Variants in TRIM24 observed in about 807,000 individuals in gnomAD.
The protein encoded by TRIM24 is transcription intermediary factor 1-alpha.
A neutral mutation model predicts 123.9 loss-of-function variants in TRIM24; 29 were observed. The ratio of observed to expected loss-of-function variants is 0.23; its 90% confidence interval spans 0.17 to 0.32. TRIM24 has a LOEUF of 0.32. Among genes scored for constraint, TRIM24 ranks in the 10% least tolerant of loss-of-function variants. TRIM24 has a pLI of 1.00. For synonymous variants in TRIM24, 456 were observed against 461.1 expected, an observed-to-expected ratio of 0.99 and a Z score of 0.14; for missense variants, 932 against 1,295.3, an observed-to-expected ratio of 0.72 and a Z score of 4.31.
At chr7:138,559,559 G>T (rs1298591788) in intron 9 of TRIM24, among the ~76,000 whole-genome samples, 1 of 152,126 alleles carries the variant, frequency 6.6e-6, no homozygotes, top group Non-Finnish European at 1.5e-5. Context: ...TCAGCTTCTG[G>T]GGTGACTAGA....
chr7:138,564,394 C>T (rs143370122), intron 9 of TRIM24, among the ~76,000 whole-genome samples: 141 of 152,276 alleles, frequency 9.3e-4, no homozygotes, highest in Non-Finnish European at 1.7e-3. Context: ...CCTTGGGGGC[C>T]GTTGGCCTCA....
At chr7:138,512,726 G>T (rs1210212413) in intron 2 of TRIM24, among the ~76,000 whole-genome samples, 4 of 152,082 alleles carry the variant, frequency 2.6e-5, no homozygotes, top group African/African-American at 9.7e-5. Flanking sequence ...AAACCATTCA[G>T]TCCTTCTAGG....
intron 7 of TRIM24, among the ~76,000 whole-genome samples, chr7:138,550,318 G>GGTGTGTGTGT (rs10548154): frequency 8.3e-4 from 123 of 147,572 alleles, no homozygotes; most frequent in South Asian, 5.6e-3. Flanking sequence ...AGGAGTTGAT[G>GGTGTGTGTGT]GTGTGTGTGT....
In TRIM24 at chr7:138,554,104, AG is replaced by A. The variant is rs1797266679; in HGVS notation, c.1262-593del. On this transcript the variant is annotated intron_variant, in intron 8 of 18. Transcript: ENST00000343526. This position sits in a 1 kb window ranked among gnomAD's most constrained non-coding sequence, Gnocchi z 4.5. Reference sequence around the variant, plus strand: ...ATTCCACAGGCTGAGCTGGGGGTTCAGATATTCTTCATTGATAAAGAATGAT... The same window carrying A: ...ATTCCACAGGCTGAGCTGGGGGTTCAATATTCTTCATTGATAAAGAATGAT... 6.6e-6 allele frequency among the ~76,000 whole-genome samples: 1 copy of A among 152,196 alleles called. No homozygotes were observed. The highest frequency in any genetic ancestry group is 6.6e-5 in the Admixed American group (1 of 15,264).
chr7:138,466,463 CTTTT>C (rs577317171), intron 1 of TRIM24, among the ~76,000 whole-genome samples: 5 of 74,058 alleles, frequency 6.8e-5, no homozygotes, highest in South Asian at 4.7e-4. Context: ...ACTTAAGTTG[CTTTT>C]TTTTTTTTTT....
chr7:138,531,765 T>C (rs1380981226), intron 6 of TRIM24, among the ~76,000 whole-genome samples: 1 of 152,268 alleles, frequency 6.6e-6, no homozygotes, highest in Non-Finnish European at 1.5e-5. Flanking sequence ...ATGGTATTTC[T>C]AGTTCTAGAT....
rs543491184 is a variant in TRIM24, at chr7:138,478,389, C to T, written c.364+17477C>T. On this transcript the variant is annotated intron_variant, in intron 1 of 18. Coordinates refer to ENST00000343526, the MANE Select transcript of TRIM24 (RefSeq NM_015905.3). ...GGGCACAGTGGTTCATGCCTGTAAT[C>T]CCAGCACTCTGGAAGGCTGAGGCAG... is the stretch of plus-strand genomic sequence containing the variant. Among the ~76,000 whole-genome samples, 28 of 138,920 alleles carry T rather than the reference C, an allele frequency of 2.0e-4. No homozygotes were observed. In the Middle Eastern group the frequency reaches 0.01, roughly 52 times the overall value. The allele number at this position is 138,920 out of a possible 152,430, so 91.1% of individuals were successfully genotyped here.
At chr7:138,532,041 T>C (rs867913499) in intron 6 of TRIM24, among the ~76,000 whole-genome samples, 3,109 of 151,952 alleles carry the variant, frequency 0.02, 89 homozygotes, top group African/African-American at 0.069. Flanking sequence ...TCATATCCTT[T>C]GCCCACTTTT....
chr7:138,561,685 C>T (rs1797431264), intron 9 of TRIM24, among the ~76,000 whole-genome samples: 1 of 152,284 alleles, frequency 6.6e-6, no homozygotes, highest in South Asian at 2.1e-4. Flanking sequence ...ATGCCATGAT[C>T]CTATGACCTG....
At chr7:138,563,009 G>A (rs74783242) in intron 9 of TRIM24, among the ~76,000 whole-genome samples, 3,326 of 152,260 alleles carry the variant, frequency 0.022, 104 homozygotes, top group African/African-American at 0.073. Flanking sequence ...GGCCAACAAA[G>A]TGGCCTCTTC....
rs80032046 is a variant in TRIM24, at chr7:138,575,673, G to A, written c.2015-700G>A. On this transcript the variant is annotated intron_variant, in intron 12 of 18. Coordinates refer to ENST00000343526, the MANE Select transcript of TRIM24 (RefSeq NM_015905.3). ...TTGTATTCCTACTTGTTACTGTTTA[G>A]TTTGGGCCTTCATCAGTTCAAATCA... Among the ~76,000 whole-genome samples the A allele has an allele frequency of 5.7e-3, 869 of 151,824 alleles. 30 individuals are homozygous for A. The highest frequency in any genetic ancestry group is 0.047 in the Admixed American group (721 of 15,254).
intron 1 of TRIM24, among the ~76,000 whole-genome samples, chr7:138,480,244 G>A (rs943624347): frequency 2.6e-5 from 4 of 152,176 alleles, no homozygotes; most frequent in Admixed American, 6.5e-5. Flanking sequence ...GAATACAGGC[G>A]TGAGGCACTG....
At chr7:138,573,054 C>T (rs1797689289) in intron 11 of TRIM24, among the ~76,000 whole-genome samples, 1 of 152,166 alleles carries the variant, frequency 6.6e-6, no homozygotes, top group Non-Finnish European at 1.5e-5. Flanking sequence ...TAGGTCCTAT[C>T]TATCTGTGTG....
chr7:138,576,439 G>A lies in TRIM24; in HGVS notation c.2081G>A (p.Arg694Gln), dbSNP rs773757038. ...CCTAGTGCCTCCAGCGTTGGAAGCC[G>A]AGGAAGGTAAACTGACTAAACCATA... The part of the protein sequence containing the change: ...RSPSASSVGS[R>Q]GSSGSSSKPA... The change falls in exon 13 of 19, where the codon CGA becomes CAA. Residue 694 changes from arginine (R) to glutamine (Q), a missense_variant. Around this residue, in one of 7 missense-constraint regions of TRIM24, gnomAD observed 527 missense variants for 691.3 expected, o/e 0.76. Coordinates refer to ENST00000343526, the MANE Select transcript of TRIM24 (RefSeq NM_015905.3). 6 of 1,613,454 alleles carry A rather than the reference G, an allele frequency of 3.7e-6. No homozygotes were observed. The highest frequency in any genetic ancestry group is 5.1e-6 in the Non-Finnish European group (6 of 1,179,616).
chr7:138,496,892 G>A (rs1345992384), intron 1 of TRIM24, among the ~76,000 whole-genome samples: 1 of 152,078 alleles, frequency 6.6e-6, no homozygotes, highest in Non-Finnish European at 1.5e-5. Flanking sequence ...TTATTTGAAC[G>A]CTCAACCAGC....
chr7:138,484,098 T>C (rs1795592632), intron 1 of TRIM24, among the ~76,000 whole-genome samples: 3 of 152,160 alleles, frequency 2.0e-5, no homozygotes, highest in South Asian at 2.1e-4. Flanking sequence ...GTGTATCTTT[T>C]TGATCATAAA....
At chr7:138,536,788 G>A (rs1388515241) in intron 6 of TRIM24, among the ~76,000 whole-genome samples, 2 of 152,226 alleles carry the variant, frequency 1.3e-5, no homozygotes, top group South Asian at 4.1e-4. Context: ...GCTGCCTTTT[G>A]TTTGGCTATG....
intron 1 of TRIM24, among the ~76,000 whole-genome samples, chr7:138,481,940 A>G (rs555790802): frequency 2.0e-5 from 3 of 152,102 alleles, no homozygotes; most frequent in Non-Finnish European, 2.9e-5. Flanking sequence ...TTCACTTTCT[A>G]CCTGCTATCC....
intron 12 of TRIM24, 90 bp from the exon 13 acceptor site, chr7:138,576,283 T>A: frequency 2.5e-6 from 3 of 1,197,572 alleles, no homozygotes; most frequent in Non-Finnish European, 3.7e-6. Context: ...GGTTCCCAGT[T>A]TCAATGTAGT....
Sources: gnomAD v4.1 joint callset for allele counts (sites outside exome capture counted in the v4.1 genomes callset) on GRCh38, gnomAD v4.1.1 for gene constraint, gnomAD v4.1.1 regional missense constraint, Gnocchi (gnomAD v3.1) non-coding constraint, MANE v1.5 for transcripts, NCBI Gene and HGNC (gene_info 2026-07-23, HGNC 2026-07-21) for gene names.